Variants in RBFOX1 observed in about 807,000 individuals in gnomAD.
The protein encoded by RBFOX1 is RNA binding fox-1 homolog 1.
A neutral mutation model predicts 57.7 loss-of-function variants in RBFOX1; 8 were observed. The observed-to-expected ratio is 0.14, with a 90% CI of 0.08 to 0.25. The LOEUF is 0.25. RBFOX1 is among the 10% of genes least tolerant of loss of function. RBFOX1 has a pLI of 1.00. For missense variants in RBFOX1, 611 were observed against 548.5 expected (o/e 1.11, Z -1.14); for synonymous variants, 326 against 222.4 (o/e 1.47, Z -4.15).
At chr16:6,934,940 T>G (rs1051608588) in intron 3 of RBFOX1, among the ~76,000 whole-genome samples, 8 of 152,032 alleles carry the variant, frequency 5.3e-5, no homozygotes, top group East Asian at 1.9e-4. Flanking sequence ...AGAAAAAAAT[T>G]AGCTTGGCCT....
intron 3 of RBFOX1, among the ~76,000 whole-genome samples, chr16:5,641,505 C>T (rs937766636): frequency 2.6e-5 from 4 of 152,220 alleles, no homozygotes; most frequent in African/African-American, 9.7e-5. Flanking sequence ...CAAGAGATAG[C>T]TGTTACTCAG....
Position 7,371,758 on chromosome 16 carries a change from G to GA in RBFOX1, c.28-146382dup, listed in dbSNP as rs1413559331. Among the ~76,000 whole-genome samples, 12 of 151,750 alleles carry GA rather than the reference G, an allele frequency of 7.9e-5. No individual in the cohort carries two copies. The South Asian group carries it at 1.7e-3, about 21-fold the overall frequency. ...AGAGCAAAACTCTATCTGCAAAAAA[G>GA]AAAAAAAGATATGTAGATATATGAT... On this transcript the variant is annotated intron_variant, in intron 4 of 15. Transcript: ENST00000550418.
chr16:5,464,493 G>T (rs2068893099), intron 1 of RBFOX1, among the ~76,000 whole-genome samples: 1 of 152,238 alleles, frequency 6.6e-6, no homozygotes, highest in Non-Finnish European at 1.5e-5. Flanking sequence ...TCTCTGGGTG[G>T]GCAGGGAACC....
At chr16:7,473,512 T>TTA (rs957661442) in intron 4 of RBFOX1, among the ~76,000 whole-genome samples, 129 of 148,348 alleles carry the variant, frequency 8.7e-4, no homozygotes, top group Middle Eastern at 7.1e-3. Context: ...TACATATGTA[T>TTA]TATATATATA....
At chr16:5,557,964 C>G (rs2045742916) in intron 2 of RBFOX1, among the ~76,000 whole-genome samples, 1 of 152,146 alleles carries the variant, frequency 6.6e-6, no homozygotes, top group Admixed American at 6.5e-5. Context: ...GTAAGCATGT[C>G]TGGATGCCAA....
At chr16:6,214,180 C>T (rs2097316170) in intron 1 of RBFOX1, among the ~76,000 whole-genome samples, 1 of 152,242 alleles carries the variant, frequency 6.6e-6, no homozygotes, top group Non-Finnish European at 1.5e-5. Flanking sequence ...CTCCTTCTCT[C>T]CCACTGTCTC....
rs1360833870 is a variant in RBFOX1, at chr16:6,780,308, T to TATTTATAC, written c.-16+125660_-16+125661insTTATACAT. Among the ~76,000 whole-genome samples the TATTTATAC allele has an allele frequency of 2.0e-3, 156 of 77,790 alleles. 11 individuals are homozygous for TATTTATAC. The highest frequency in any genetic ancestry group is 3.5e-3 in the East Asian group (7 of 2,016). 51.0% of individuals were successfully genotyped at this position (77,790 alleles called of 152,430 possible). On this transcript the variant is annotated intron_variant, in intron 3 of 15. Coordinates refer to ENST00000550418, the MANE Select transcript of RBFOX1 (RefSeq NM_018723.4). Reference sequence around the variant, plus strand: ...ATACATATATATATTTATACATATATATATTTATTCATATTTATATATATT... The same window carrying TATTTATAC: ...ATACATATATATATTTATACATATATATTTATACATATTTATTCATATTTATATATATT...
At chr16:7,337,799 C>G (rs1470048588) in intron 4 of RBFOX1, among the ~76,000 whole-genome samples, 1 of 152,172 alleles carries the variant, frequency 6.6e-6, no homozygotes, top group Non-Finnish European at 1.5e-5. Flanking sequence ...ATTCTCCTGC[C>G]TCAGCCTCCC....
intron 2 of RBFOX1, among the ~76,000 whole-genome samples, chr16:5,474,108 T>C (rs907822995): frequency 9.9e-5 from 15 of 152,140 alleles, no homozygotes; most frequent in Admixed American, 2.6e-4. Context: ...TTTCCTGAGT[T>C]TGTGACCATA....
intron 3 of RBFOX1, among the ~76,000 whole-genome samples, chr16:6,752,760 C>T (rs2075154936): frequency 6.6e-6 from 1 of 152,090 alleles, no homozygotes; most frequent in Middle Eastern, 3.4e-3. Context: ...CTTACTGCTT[C>T]TTCACTTCCA....
chr16:7,277,436 C>T (rs888153256), intron 4 of RBFOX1, among the ~76,000 whole-genome samples: 7 of 152,158 alleles, frequency 4.6e-5, no homozygotes, highest in Non-Finnish European at 1.0e-4. Context: ...TCTGTGCCAC[C>T]AGAAGAAAGC....
chr16:6,297,415 CTG>C (rs35540092), intron 1 of RBFOX1, among the ~76,000 whole-genome samples: 32,055 of 151,908 alleles, frequency 0.21, 4,592 homozygotes, highest in East Asian at 0.65. Flanking sequence ...TGCTGTTTCA[CTG>C]TGGCTTAAAT....
chr16:6,176,291 G>A (rs1271726576), intron 1 of RBFOX1, among the ~76,000 whole-genome samples: 2 of 145,726 alleles, frequency 1.4e-5, no homozygotes, highest in East Asian at 4.0e-4. Flanking sequence ...GATTACAGGT[G>A]CCCACCGCCA....
chr16:5,582,547 CTTT>C (rs57853959), intron 2 of RBFOX1, among the ~76,000 whole-genome samples: 42 of 92,852 alleles, frequency 4.5e-4, no homozygotes, highest in African/African-American at 1.1e-3. Flanking sequence ...AAGCACGTCA[CTTT>C]TTTTTTTTTT....
At chr16:5,798,676 G>A (rs1432111405) in intron 3 of RBFOX1, among the ~76,000 whole-genome samples, 2 of 152,210 alleles carry the variant, frequency 1.3e-5, no homozygotes, top group Non-Finnish European at 2.9e-5. Context: ...GGACTTATGA[G>A]AAGGGACCTT....
chr16:7,523,983 ACC>A (rs938004543), intron 5 of RBFOX1, among the ~76,000 whole-genome samples: 15 of 152,218 alleles, frequency 9.9e-5, no homozygotes, highest in Admixed American at 8.5e-4. Context: ...GGTTCTCCCC[ACC>A]CTATATCCAT....
chr16:6,104,647 G>T (rs993707481), intron 1 of RBFOX1, among the ~76,000 whole-genome samples: 1 of 152,108 alleles, frequency 6.6e-6, no homozygotes, highest in East Asian at 1.9e-4. Context: ...GCCCAGAAGT[G>T]TAAGCAGTCA....
At chr16:7,145,335 G>C (rs2074727998) in intron 4 of RBFOX1, among the ~76,000 whole-genome samples, 1 of 152,108 alleles carries the variant, frequency 6.6e-6, no homozygotes, top group South Asian at 2.1e-4. Context: ...CTCCCGATTA[G>C]CTGGGATTGC....
chr16:7,309,022 A>G (rs1011939742), intron 4 of RBFOX1, among the ~76,000 whole-genome samples: 2 of 152,336 alleles, frequency 1.3e-5, no homozygotes, highest in Non-Finnish European at 1.5e-5. Flanking sequence ...TAGTGTCAGT[A>G]ACGCAGAAAA....
Sources: allele counts gnomAD v4.1 joint callset (sites outside exome capture counted in the v4.1 genomes callset), GRCh38; gene constraint gnomAD v4.1.1; transcripts MANE v1.5; gene names NCBI Gene and HGNC (gene_info 2026-07-23, HGNC 2026-07-21).